WDR36: variants seen among roughly 807,000 people sequenced by gnomAD.
The protein encoded by WDR36 is WD repeat-containing protein 36.
WDR36 carries 63 observed loss-of-function variants against 112.7 expected under a neutral mutation model. The observed-to-expected ratio is 0.56, with a 90% CI of 0.46 to 0.69. The LOEUF (loss-of-function observed/expected upper bound fraction) is 0.69. Among genes scored for constraint, WDR36 ranks in the 30% least tolerant of loss-of-function variants. The pLI is 0.00. For synonymous variants in WDR36, 410 were observed against 362.2 expected (o/e 1.13, Z -1.50); for missense variants, 1,226 against 1,070.3 (o/e 1.15, Z -2.03).
At chr5:111,119,723 A>C (rs1753527071) in intron 17 of WDR36, among the ~76,000 whole-genome samples, 1 of 152,128 alleles carries the variant, frequency 6.6e-6, no homozygotes, top group South Asian at 2.1e-4. Flanking sequence ...TTTATAAAAG[A>C]ATTAATTATA....
intron 4 of WDR36, among the ~76,000 whole-genome samples, chr5:111,100,309 C>T (rs1753097773): frequency 1.3e-5 from 2 of 151,604 alleles, no homozygotes; most frequent in Admixed American, 1.3e-4. Flanking sequence ...ACTTTATTAT[C>T]CTTTTCTGTA....
intron 2 of WDR36, 35 bp downstream of exon 2, chr5:111,094,982 C>T: frequency 6.3e-7 from 1 of 1,587,334 alleles, no homozygotes; most frequent in Non-Finnish European, 8.6e-7. Flanking sequence ...TTATGCACAT[C>T]TAAACTTTTT....
Position 111,092,416 on chromosome 5 carries a change from C to T in WDR36, c.-41C>T, listed in dbSNP as rs1752879904. 1 of 1,614,222 alleles carries T rather than the reference C, an allele frequency of 6.2e-7. No homozygotes were observed. The highest frequency in any genetic ancestry group is 1.3e-5 in the African/African-American group (1 of 75,068). ...CTGAAGGGACTGGGTACGTGTTTTC[C>T]TTCAGGACCAGAGCTGAGAGGAGCT... On this transcript the variant is annotated 5_prime_UTR_variant, in exon 1 of 23. Coordinates refer to ENST00000513710, the MANE Select transcript of WDR36 (RefSeq NM_139281.3).
chr5:111,122,225 A>G (rs1324261305), intron 19 of WDR36, among the ~76,000 whole-genome samples: 1 of 152,198 alleles, frequency 6.6e-6, no homozygotes, highest in South Asian at 2.1e-4. Flanking sequence ...CAAGGCATTA[A>G]TAAGTACAAA....
At chr5:111,109,290 A>G (rs2112577060) in intron 12 of WDR36, among the ~76,000 whole-genome samples, 1 of 151,540 alleles carries the variant, frequency 6.6e-6, no homozygotes, top group African/African-American at 2.4e-5. Context: ...TTAGGAAGAT[A>G]AAATGCTTTT....
intron 2 of WDR36, among the ~76,000 whole-genome samples, chr5:111,095,967 T>C (rs1752969703): frequency 6.6e-6 from 1 of 152,206 alleles, no homozygotes; most frequent in African/African-American, 2.4e-5. Context: ...GACTGTAATG[T>C]GTATGTGTAT....
At chr5:111,102,299 T>TC (rs1753135188) in intron 5 of WDR36, 46 bp from the exon 6 acceptor site, 3 of 1,298,104 alleles carry the variant, frequency 2.3e-6, no homozygotes, top group Non-Finnish European at 3.3e-6. Flanking sequence ...ATTGTTTTCC[T>TC]CCAAAAAAAA....
At chr5:111,126,248 A>G (rs1304307996) in intron 22 of WDR36, among the ~76,000 whole-genome samples, 2 of 151,474 alleles carry the variant, frequency 1.3e-5, no homozygotes, top group Non-Finnish European at 2.9e-5. Flanking sequence ...TTTTTTTTCT[A>G]CTACTGAAAT....
At chr5:111,124,038 T>C in intron 20 of WDR36, 70 bp from the exon 21 acceptor site, 2 of 1,601,578 alleles carry the variant, frequency 1.2e-6, no homozygotes, top group Non-Finnish European at 1.7e-6. Flanking sequence ...TGATAGCTTT[T>C]AATTACAAAC....
chr5:111,104,072 T>C (rs1753172707), intron 7 of WDR36, 105 bp from the exon 8 acceptor site: 2 of 1,382,350 alleles, frequency 1.4e-6, no homozygotes, highest in Non-Finnish European at 2.0e-6. Flanking sequence ...TATTGGTATA[T>C]AGTTTTTTTC....
chr5:111,110,807 A>G lies in WDR36; in HGVS notation c.1461A>G (p.Arg487=). 1 of 1,610,980 alleles carries G rather than the reference A, an allele frequency of 6.2e-7. No homozygotes were observed. The highest frequency in any genetic ancestry group is 1.7e-5 in the Admixed American group (1 of 59,668). ...TTACAGCTCACAAGGGATCTGTTAG[A>G]GGTGTCGCAGTGGATGGATTAAACC... ...GKDQAHKGSV[R]GVAVDGLNQL... The change falls in exon 14 of 23, where the codon AGA becomes AGG. Residue 487 remains arginine, a synonymous_variant. Coordinates refer to ENST00000513710, the MANE Select transcript of WDR36 (RefSeq NM_139281.3).
At chr5:111,109,203 TG>T (rs1753276449) in intron 12 of WDR36, among the ~76,000 whole-genome samples, 1 of 151,364 alleles carries the variant, frequency 6.6e-6, no homozygotes, top group African/African-American at 2.4e-5. Context: ...TTTAGTTTCT[TG>T]ATTGTATAAC....
chr5:111,102,268 A>T (rs1753134619), intron 5 of WDR36, 77 bp from the exon 6 acceptor site: 1 of 1,095,704 alleles, frequency 9.1e-7, no homozygotes, highest in Non-Finnish European at 1.4e-6. Flanking sequence ...TTATTATTTC[A>T]CTTTTTAATG....
intron 16 of WDR36, among the ~76,000 whole-genome samples, 197 bp from the exon 17 acceptor site, chr5:111,118,812 TTAAG>T (rs1377558310): frequency 1.3e-5 from 2 of 152,298 alleles, no homozygotes; most frequent in African/African-American, 4.8e-5. Flanking sequence ...GTCTTTCTCA[TTAAG>T]TGAGATTATT....
At chr5:111,111,705 C>T (rs1387579106) in intron 15 of WDR36, among the ~76,000 whole-genome samples, 1 of 151,664 alleles carries the variant, frequency 6.6e-6, no homozygotes, top group African/African-American at 2.4e-5. Flanking sequence ...CTAGAGTTTA[C>T]ATATCTTAAC....
chr5:111,123,305 A>G (rs1416536896), intron 19 of WDR36, among the ~76,000 whole-genome samples: 1 of 152,212 alleles, frequency 6.6e-6, no homozygotes, highest in African/African-American at 2.4e-5. Context: ...AAATAGAAAA[A>G]TTAGAGCTGT....
In WDR36 at chr5:111,128,916, A is replaced by G; in HGVS notation, c.*2033A>G. The G allele has an allele frequency of 5.2e-6, 1 of 193,030 alleles. No individual in the cohort carries two copies. Among genetic ancestry groups the G allele is most frequent in the Non-Finnish European group, 1.1e-5 (1 of 92,440 alleles). The allele number at this position is 193,030 out of a possible 1,614,324, so 12.0% of individuals were successfully genotyped here. A position where few individuals can be genotyped will look rare whatever the true frequency, so the allele number is the denominator to read the frequency against. On this transcript the variant is annotated 3_prime_UTR_variant, in exon 23 of 23. Coordinates refer to ENST00000513710, the MANE Select transcript of WDR36 (RefSeq NM_139281.3). ...AGTCCCAATATCCTCTGTAGAAGTA[A>G]TAGTTTTAACTCTCCTAGATCTTCT...
chr5:111,125,870 AAG>A, intron 22 of WDR36, 75 bp downstream of exon 22: 2 of 1,506,938 alleles, frequency 1.3e-6, no homozygotes, highest in Non-Finnish European at 1.8e-6. Context: ...ACTTTCTGCA[AAG>A]ATGGGTATGC....
chr5:111,127,956 T>TG lies in WDR36; in HGVS notation c.*1080dup, dbSNP rs200793653. 309 of 206,438 alleles carry TG rather than the reference T, an allele frequency of 1.5e-3. 6 individuals are homozygous for TG. In the East Asian group the frequency reaches 0.02, roughly 14 times the overall value. 12.8% of individuals were successfully genotyped at this position (206,438 alleles called of 1,614,324 possible). A position where few individuals can be genotyped will look rare whatever the true frequency, so the allele number is the denominator to read the frequency against. On this transcript the variant is annotated 3_prime_UTR_variant, in exon 23 of 23. Transcript: ENST00000513710. ...TTTTTTTTTTTTGGCTACACTTTTT[T>TG]GGGGGGGACCTTTTAATTTGGGAAG...
Sources: gnomAD v4.1 joint callset for allele counts (sites outside exome capture counted in the v4.1 genomes callset) on GRCh38, gnomAD v4.1.1 for gene constraint, MANE v1.5 for transcripts, NCBI Gene and HGNC (gene_info 2026-07-23, HGNC 2026-07-21) for gene names.